Variants in ZC2HC1B observed in about 807,000 individuals in gnomAD.
The protein encoded by ZC2HC1B is zinc finger C2HC domain-containing protein 1B.
In ZC2HC1B, 36 loss-of-function variants were observed where a neutral mutation model predicts 31.0. The observed-to-expected ratio is 1.16, with a 90% CI of 0.89 to 1.54. The LOEUF is 1.54. Ranked by LOEUF, ZC2HC1B falls within the 40% of genes most tolerant of loss-of-function variation. ZC2HC1B has a pLI of 0.00. For synonymous variants in ZC2HC1B, 73 were observed against 88.0 expected (o/e 0.83, Z 0.95); for missense variants, 260 against 268.6 (o/e 0.97, Z 0.22).
At chr6:143,907,902 A>T (rs1028920086) in intron 6 of ZC2HC1B, among the ~76,000 whole-genome samples, 14 of 151,960 alleles carry the variant, frequency 9.2e-5, no homozygotes, top group African/African-American at 2.9e-4. Context: ...TGGTTTTTCT[A>T]GTTTTTGGGC....
chr6:143,882,332 T>TA lies in ZC2HC1B; in HGVS notation c.29-1972_29-1971insA, dbSNP rs1554237224. Among the ~76,000 whole-genome samples the TA allele has an allele frequency of 8.9e-3, 598 of 67,298 alleles. 3 individuals carry two copies. Among genetic ancestry groups the TA allele is most frequent in the Middle Eastern group, 0.029 (4 of 138 alleles). 44.2% of individuals were successfully genotyped at this position (67,298 alleles called of 152,430 possible). A position where few individuals can be genotyped will look rare whatever the true frequency, so the allele number is the denominator to read the frequency against. On this transcript the variant is annotated intron_variant, in intron 1 of 7. Transcript: ENST00000237275. ...AAAATATGTATACATATTTTATATTTTTTATATATATATATATATATATAT... is the reference window on the plus strand; with the variant it reads ...AAAATATGTATACATATTTTATATTTATTTATATATATATATATATATATAT...
chr6:143,910,682 T>C (rs1381856121), intron 6 of ZC2HC1B, among the ~76,000 whole-genome samples: 1 of 152,220 alleles, frequency 6.6e-6, no homozygotes, highest in Admixed American at 6.5e-5. Context: ...GATAGTAAGC[T>C]CTTCTTGTTG....
At chr6:143,898,752 A>G in intron 5 of ZC2HC1B, 61 bp downstream of exon 5, 2 of 1,538,296 alleles carry the variant, frequency 1.3e-6, no homozygotes, top group Non-Finnish European at 1.8e-6. Context: ...GTGAGCCGGT[A>G]GAACTCCCTA....
intron 5 of ZC2HC1B, among the ~76,000 whole-genome samples, chr6:143,902,484 CT>C (rs926736824): frequency 3.3e-5 from 5 of 152,026 alleles, no homozygotes; most frequent in Admixed American, 6.6e-5. Flanking sequence ...TTCCGTGGAA[CT>C]GGAGGTGGGA....
rs1017720745 is a variant in ZC2HC1B, at chr6:143,898,798, G to A, written c.489+107G>A. The A allele has an allele frequency of 1.9e-5, 26 of 1,378,416 alleles. No homozygotes were observed. The Middle Eastern group carries it at 5.5e-4, about 29-fold the overall frequency. 85.4% of individuals were successfully genotyped at this position (1,378,416 alleles called of 1,614,324 possible). Reference sequence around the variant, plus strand: ...GTTACCCATCCTAAGAAGTGTAAGCGTGAAGAGAGCTGATCATGATTGCTC... The same window carrying A: ...GTTACCCATCCTAAGAAGTGTAAGCATGAAGAGAGCTGATCATGATTGCTC... On this transcript the variant is annotated intron_variant, in intron 5 of 7. Coordinates refer to ENST00000237275, the MANE Select transcript of ZC2HC1B (RefSeq NM_001013623.3).
At position 143,889,580 on chromosome 6, in the gene ZC2HC1B, G is replaced by C. The variant is rs1023669384; in HGVS notation, c.349+2759G>C. Among the ~76,000 whole-genome samples, 5 of 152,142 alleles carry C rather than the reference G, an allele frequency of 3.3e-5. No homozygotes were observed. The South Asian group carries it at 1.0e-3, about 32-fold the overall frequency. ...AACTGCAGGGCAAGTATTAACAGATGATGATTCAAATGATAAATACATCAA... is the reference window on the plus strand; with the variant it reads ...AACTGCAGGGCAAGTATTAACAGATCATGATTCAAATGATAAATACATCAA... On this transcript the variant is annotated intron_variant, in intron 4 of 7. Transcript: ENST00000237275.
chr6:143,909,945 T>C (rs1044199512), intron 6 of ZC2HC1B, among the ~76,000 whole-genome samples: 1 of 152,222 alleles, frequency 6.6e-6, no homozygotes, highest in Non-Finnish European at 1.5e-5. Flanking sequence ...ATTTCTTGTC[T>C]TCTACTAGCT....
chr6:143,926,828 C>CT (rs774028763), intron 6 of ZC2HC1B, among the ~76,000 whole-genome samples: 1,329 of 78,828 alleles, frequency 0.017, 159 homozygotes, highest in African/African-American at 0.038. Context: ...ATTGTATCTT[C>CT]TTTTTTTTTT....
intron 1 of ZC2HC1B, chr6:143,881,905 T>A (rs1777473132): frequency 6.6e-6 from 1 of 152,192 alleles, no homozygotes. Flanking sequence ...GTATTTTAAA[T>A]TCATTGACTC....
intron 6 of ZC2HC1B, among the ~76,000 whole-genome samples, chr6:143,931,328 T>C (rs1778115988): frequency 6.6e-6 from 1 of 152,176 alleles, no homozygotes; most frequent in African/African-American, 2.4e-5. Flanking sequence ...AGATGTCAGG[T>C]ACTGTTTTAT....
rs185905556 is a variant in ZC2HC1B, at chr6:143,915,220, C to T, written c.598+12068C>T. 5.9e-5 allele frequency among the ~76,000 whole-genome samples: 9 copies of T among 152,218 alleles called. No individual in the cohort carries two copies. The highest frequency in any genetic ancestry group is 2.1e-4 in the South Asian group (1 of 4,824). On this transcript the variant is annotated intron_variant, in intron 6 of 7. Transcript: ENST00000237275. The surrounding 1 kb of genome is among the most constrained non-coding windows in gnomAD (Gnocchi z 5.2). Reference sequence around the variant, plus strand: ...TTCTTATGACAATGAGTAAGTCTCACGAGATCTGATGGTTTTAAAAAGAGG... The same window carrying T: ...TTCTTATGACAATGAGTAAGTCTCATGAGATCTGATGGTTTTAAAAAGAGG...
Position 143,923,675 on chromosome 6 carries a change from C to T in ZC2HC1B, c.599-13974C>T, listed in dbSNP as rs1314309710. Among the ~76,000 whole-genome samples the T allele has an allele frequency of 2.0e-5, 3 of 152,008 alleles. No individual in the cohort carries two copies. The highest frequency in any genetic ancestry group is 6.6e-5 in the Admixed American group (1 of 15,252). ...TTTCATTTTTCTGTACTTGGATATC[C>T]AGTTTTCCCTGTACCATTATTGAAG... On this transcript the variant is annotated intron_variant, in intron 6 of 7. Transcript: ENST00000237275. The surrounding 1 kb of genome is among the most constrained non-coding windows in gnomAD (Gnocchi z 4.8).
chr6:143,937,439 G>C (rs779676636), intron 6 of ZC2HC1B, among the ~76,000 whole-genome samples: 5 of 152,006 alleles, frequency 3.3e-5, no homozygotes, highest in Non-Finnish European at 2.9e-5. Flanking sequence ...AGGAAAGAAG[G>C]CACCTGAGGT....
chr6:143,896,341 C>G (rs1777666354), intron 4 of ZC2HC1B, among the ~76,000 whole-genome samples: 1 of 152,188 alleles, frequency 6.6e-6, no homozygotes, highest in Non-Finnish European at 1.5e-5. Flanking sequence ...TTGCCATGAT[C>G]ATTGTCTTTG....
chr6:143,930,362 TGTATA>T (rs1212265493), intron 6 of ZC2HC1B, among the ~76,000 whole-genome samples: 4 of 150,626 alleles, frequency 2.7e-5, no homozygotes, highest in Non-Finnish European at 1.5e-5. Flanking sequence ...TTCATGTATT[TGTATA>T]GTTTTGAGAG....
At chr6:143,891,091 A>T (rs1010459405) in intron 4 of ZC2HC1B, among the ~76,000 whole-genome samples, 6 of 150,908 alleles carry the variant, frequency 4.0e-5, no homozygotes, top group African/African-American at 1.2e-4. Flanking sequence ...AGATCGCACC[A>T]CTGCAGTCTA....
In ZC2HC1B at chr6:143,881,968, G is replaced by A. The variant is rs147240955; in HGVS notation, c.29-2336G>A. On this transcript the variant is annotated intron_variant, in intron 1 of 7. Transcript: ENST00000237275. ...CTCTAGGGACTTCTAGTTGTTTTCA[G>A]GTGAGTACTAACATCTCTCTAGTTG... 5.1e-3 allele frequency among the ~76,000 whole-genome samples: 778 copies of A among 152,138 alleles called. 6 individuals are homozygous for A. Among genetic ancestry groups the A allele is most frequent in the African/African-American group, 0.018 (748 of 41,496 alleles).
intron 6 of ZC2HC1B, among the ~76,000 whole-genome samples, chr6:143,906,237 A>G (rs1046066914): frequency 6.6e-6 from 1 of 152,012 alleles, no homozygotes; most frequent in Admixed American, 6.6e-5. Flanking sequence ...CAAATATTCT[A>G]TTCGTTCATG....
rs1777505620 is a variant in ZC2HC1B at position 143,884,302 on chromosome 6, A to G, written c.29-2A>G. On this transcript the variant is annotated splice_acceptor_variant, in intron 1 of 7. Transcript: ENST00000237275. LOFTEE classifies it high-confidence loss of function. This position sits in a 1 kb window ranked among gnomAD's most constrained non-coding sequence, Gnocchi z 5.1. The stretch of plus-strand genomic sequence containing the variant: ...CATAATGTGCTCTTGAATTTTACAC[A>G]GATGGCAATCAGGAATTGTTTCCCT... 6.5e-7 allele frequency: 1 copy of G among 1,529,844 alleles called. No homozygotes were observed. Among genetic ancestry groups the G allele is most frequent in the Non-Finnish European group, 8.8e-7 (1 of 1,130,880 alleles). The allele number at this position is 1,529,844 out of a possible 1,614,324, so 94.8% of individuals were successfully genotyped here.
Sources: gnomAD v4.1 joint callset for allele counts (sites outside exome capture counted in the v4.1 genomes callset) on GRCh38, gnomAD v4.1.1 for gene constraint, Gnocchi (gnomAD v3.1) non-coding constraint, MANE v1.5 for transcripts, NCBI Gene and HGNC (gene_info 2026-07-23, HGNC 2026-07-21) for gene names.